Variants in FOXJ2 observed in about 807,000 individuals in gnomAD.
FOXJ2 encodes forkhead box protein J2.
FOXJ2 carries 18 observed loss-of-function variants against 68.4 expected under a neutral mutation model. The observed-to-expected ratio is 0.26, with a 90% CI of 0.18 to 0.39. FOXJ2 has a LOEUF of 0.39. Ranked by LOEUF, FOXJ2 falls within the 10% of genes least tolerant of loss-of-function variation. The probability of loss-of-function intolerance (pLI) is 1.00; values close to 1 mark genes in which losing one functional copy is unlikely to be tolerated. For synonymous variants in FOXJ2, 274 were observed against 263.2 expected, an observed-to-expected ratio of 1.04 and a Z score of -0.40; for missense variants, 670 against 726.5, an observed-to-expected ratio of 0.92 and a Z score of 0.89.
rs757291652 is a variant in FOXJ2 at position 8,044,061 on chromosome 12, G to A, written c.588G>A (p.Gln196=). The change falls in exon 5 of 11, where the codon CAG becomes CAA. Residue 196 remains glutamine, a synonymous_variant. Transcript: ENST00000162391. ...PPEGNPQMSL[Q]SPTSIASYSQ... ...AGGGGAATCCGCAGATGTCACTTCA[G>A]AGCCCCACATCTATAGCCAGCTACA... 1.3e-6 allele frequency: 2 copies of A among 1,570,746 alleles called. No homozygotes were observed. The highest frequency in any genetic ancestry group is 2.4e-5 in the South Asian group (2 of 84,062).
intron 5 of FOXJ2, among the ~76,000 whole-genome samples, chr12:8,044,437 G>A (rs1190527492): frequency 2.0e-5 from 3 of 152,176 alleles, no homozygotes. Context: ...GCTGGGCGTG[G>A]TGGCATGTGC....
intron 1 of FOXJ2, among the ~76,000 whole-genome samples, chr12:8,034,816 T>C (rs970875953): frequency 1.3e-5 from 2 of 152,226 alleles, no homozygotes; most frequent in African/African-American, 2.4e-5. Context: ...TTTTCCTTCA[T>C]AAGCTAGGGA....
chr12:8,039,114 T>C (rs1192032968), intron 1 of FOXJ2, among the ~76,000 whole-genome samples: 1 of 152,162 alleles, frequency 6.6e-6, no homozygotes, highest in African/African-American at 2.4e-5. Context: ...TGCTTCTGTG[T>C]GTGACTTTGT....
chr12:8,050,507 G>C lies in FOXJ2; in HGVS notation c.1538-15G>C. 1.2e-6 allele frequency: 2 copies of C among 1,607,732 alleles called. No homozygotes were observed. Among genetic ancestry groups the C allele is most frequent in the Non-Finnish European group, 1.7e-6 (2 of 1,177,652 alleles). The stretch of plus-strand genomic sequence containing the variant: ...GCCCCCCCCAACTCAAGTAACTCTT[G>C]TCTTGCTTTGGCAGTGAACTCTTAT... On this transcript the variant is annotated splice_polypyrimidine_tract_variant and intron_variant, in intron 9 of 10. Coordinates refer to ENST00000162391, the MANE Select transcript of FOXJ2 (RefSeq NM_018416.3).
chr12:8,041,797 A>G (rs779646779), intron 2 of FOXJ2, among the ~76,000 whole-genome samples: 5 of 151,938 alleles, frequency 3.3e-5, no homozygotes, highest in Non-Finnish European at 5.9e-5. Context: ...GGCATGAGCC[A>G]TTGTGCCTGG....
intron 1 of FOXJ2, among the ~76,000 whole-genome samples, chr12:8,037,670 G>A (rs1215209900): frequency 6.6e-6 from 1 of 152,138 alleles, no homozygotes; most frequent in Non-Finnish European, 1.5e-5. Flanking sequence ...GAGATAAATA[G>A]GGAATAGGGC....
At chr12:8,036,607 T>A (rs1946898914) in intron 1 of FOXJ2, among the ~76,000 whole-genome samples, 1 of 152,164 alleles carries the variant, frequency 6.6e-6, no homozygotes. Context: ...GACTGAGAAA[T>A]GGAAGTACCT....
Position 8,034,340 on chromosome 12 carries a change from T to C in FOXJ2, c.-15+507T>C, listed in dbSNP as rs117211591. ...CCCTCCAGCTTACTGCAATTATAGC[T>C]CCCTTGACAAGAAAAGCAATCTGTT... On this transcript the variant is annotated intron_variant, in intron 1 of 10. Coordinates refer to ENST00000162391, the MANE Select transcript of FOXJ2 (RefSeq NM_018416.3). Among the ~76,000 whole-genome samples, 377 of 152,214 alleles carry C rather than the reference T, an allele frequency of 2.5e-3. 2 individuals carry two copies. The highest frequency in any genetic ancestry group is 0.02 in the Middle Eastern group (6 of 294).
Position 8,044,969 on chromosome 12 carries a change from A to G in FOXJ2, c.817+11A>G, listed in dbSNP as rs374681690. The G allele has an allele frequency of 8.5e-4, 1,368 of 1,613,686 alleles. 1 individual carries two copies. The highest frequency in any genetic ancestry group is 1.1e-3 in the Non-Finnish European group (1,268 of 1,179,722). On this transcript the variant is annotated intron_variant, in intron 6 of 10. Transcript: ENST00000162391. Reference sequence around the variant, plus strand: ...CCTCCTCTCAGCACGGTGAGTCTGGAGTTGGGATGGGTGCAGGGAGACTTT... The same window carrying G: ...CCTCCTCTCAGCACGGTGAGTCTGGGGTTGGGATGGGTGCAGGGAGACTTT...
rs377097169 is a variant in FOXJ2 at position 8,039,784 on chromosome 12, C to G, written c.-14-35C>G. ...AAAAGGATTTGAGTATTACTTGCCC[C>G]CAGTATTTTCGTCTCCTCTTTGTCT... On this transcript the variant is annotated intron_variant, in intron 1 of 10. Coordinates refer to ENST00000162391, the MANE Select transcript of FOXJ2 (RefSeq NM_018416.3). 2.6e-5 allele frequency: 40 copies of G among 1,529,290 alleles called. No individual in the cohort carries two copies. In the Middle Eastern group the frequency reaches 7.0e-4, roughly 27 times the overall value. 94.7% of individuals were successfully genotyped at this position (1,529,290 alleles called of 1,614,324 possible).
rs1398326118 is a variant in FOXJ2, at chr12:8,054,707, A to G, written c.*1857A>G. ...ACTTAGTGGGGTTGAAGTATGACAT[A>G]ATATTTCCCATTGGGGAAAGGAGAA... On this transcript the variant is annotated 3_prime_UTR_variant, in exon 11 of 11. Transcript: ENST00000162391. 1 of 152,574 alleles carries G rather than the reference A, an allele frequency of 6.6e-6. No homozygotes were observed. The highest frequency in any genetic ancestry group is 2.4e-5 in the African/African-American group (1 of 41,468). 9.5% of individuals were successfully genotyped at this position (152,574 alleles called of 1,614,324 possible).
chr12:8,055,359 GCTC>G lies in FOXJ2; in HGVS notation c.*2513_*2515del, dbSNP rs1433804009. The G allele has an allele frequency of 6.6e-6, 1 of 152,608 alleles. No homozygotes were observed. The allele number at this position is 152,608 out of a possible 1,614,324, so 9.5% of individuals were successfully genotyped here. ...CCCAACCTTTCTCTCCTCAGTCCCT[GCTC>G]CTCATGTTTCTGGTTTGGTGAGTCC... is the stretch of plus-strand genomic sequence containing the variant. On this transcript the variant is annotated 3_prime_UTR_variant, in exon 11 of 11. Transcript: ENST00000162391.
At chr12:8,043,342 G>A (rs758829052) in intron 3 of FOXJ2, among the ~76,000 whole-genome samples, 1 of 151,794 alleles carries the variant, frequency 6.6e-6, no homozygotes, top group South Asian at 2.1e-4. Flanking sequence ...GATGTAAAAG[G>A]TAGACTTAAT....
intron 9 of FOXJ2, 119 bp downstream of exon 9, chr12:8,049,690 TGGAAC>T: frequency 1.2e-6 from 1 of 864,694 alleles, no homozygotes; most frequent in South Asian, 2.1e-5. Flanking sequence ...AATTGAGCAG[TGGAAC>T]TAGTTTATCA....
rs186532902 is a variant in FOXJ2 at position 8,038,192 on chromosome 12, C to T, written c.-14-1627C>T. On this transcript the variant is annotated intron_variant, in intron 1 of 10. Coordinates refer to ENST00000162391, the MANE Select transcript of FOXJ2 (RefSeq NM_018416.3). This position sits in a 1 kb window ranked among gnomAD's most constrained non-coding sequence, Gnocchi z 5.3. ...GTGCACACATGCAGATTGCCATCTG[C>T]GTGGGTGGGACCTTGGGGAGAGGGG... Among the ~76,000 whole-genome samples, 9 of 152,148 alleles carry T rather than the reference C, an allele frequency of 5.9e-5. No homozygotes were observed. Among genetic ancestry groups the T allele is most frequent in the African/African-American group, 7.2e-5 (3 of 41,496 alleles).
intron 3 of FOXJ2, among the ~76,000 whole-genome samples, chr12:8,043,217 C>CAAAA (rs11423157): frequency 1.1e-3 from 63 of 57,438 alleles, no homozygotes; most frequent in African/African-American, 1.4e-3. Flanking sequence ...AACTCCATCT[C>CAAAA]AAAAAAAAAA....
rs1356398977 is a variant in FOXJ2 at position 8,055,203 on chromosome 12, A to C, written c.*2353A>C. 6.5e-6 allele frequency: 1 copy of C among 152,688 alleles called. No individual in the cohort carries two copies. The highest frequency in any genetic ancestry group is 6.5e-5 in the Admixed American group (1 of 15,290). 9.5% of individuals were successfully genotyped at this position (152,688 alleles called of 1,614,324 possible). A position where few individuals can be genotyped will look rare whatever the true frequency, so the allele number is the denominator to read the frequency against. ...TGTTGGTCTAGCATTGCTGGACACA[A>C]AGTGTAGTCATTATTGTTGTATTGG... is the stretch of plus-strand genomic sequence containing the variant. On this transcript the variant is annotated 3_prime_UTR_variant, in exon 11 of 11. Transcript: ENST00000162391.
intron 10 of FOXJ2, 120 bp from the exon 11 acceptor site, chr12:8,052,641 AG>A: frequency 1.4e-6 from 1 of 734,682 alleles, no homozygotes; most frequent in Non-Finnish European, 2.2e-6. Flanking sequence ...CCAGCTGATA[AG>A]GGCGATAGCC....
In FOXJ2 at chr12:8,044,021, C is replaced by T; in HGVS notation, c.548C>T (p.Ala183Val). 6.3e-7 allele frequency: 1 copy of T among 1,589,394 alleles called. No individual in the cohort carries two copies. The highest frequency in any genetic ancestry group is 8.6e-7 in the Non-Finnish European group (1 of 1,169,144). The change falls in exon 5 of 11, where the codon GCC (alanine) becomes GTC (valine). Residue 183 changes from alanine to valine, a missense_variant. This residue lies in a region of FOXJ2 where 555 missense variants were observed against 562.2 expected (regional missense o/e 0.99). Transcript: ENST00000162391. ...PRGGVAGSGEASLPPEGNPQM... is the reference protein window; with the variant it reads ...PRGGVAGSGEVSLPPEGNPQM... ...GGAGGCGTTGCAGGGAGTGGAGAAG[C>T]CTCACTGCCTCCTGAGGGGAATCCG...
Sources: allele counts gnomAD v4.1 joint callset (sites outside exome capture counted in the v4.1 genomes callset), GRCh38; gene constraint gnomAD v4.1.1; regional missense constraint gnomAD v4.1.1; non-coding constraint Gnocchi (gnomAD v3.1); transcripts MANE v1.5; gene names NCBI Gene and HGNC (gene_info 2026-07-23, HGNC 2026-07-21).